ZNF432: variants seen among roughly 807,000 people sequenced by gnomAD.
ZNF432 encodes zinc finger protein 432.
In ZNF432, 10 loss-of-function variants were observed where a neutral mutation model predicts 13.9. The observed-to-expected ratio is 0.72, with a 90% CI of 0.44 to 1.22. ZNF432 has a LOEUF of 1.22. ZNF432 is among the 50% of genes most tolerant of loss of function. The pLI, the probability that ZNF432 is intolerant of heterozygous loss-of-function variation, is 0.00. For synonymous variants in ZNF432, 247 were observed against 256.2 expected (o/e 0.96, Z 0.34); for missense variants, 793 against 796.2 (o/e 1.00, Z 0.05).
rs1449927433 is a variant in ZNF432, at chr19:52,041,751, G to T, written c.16-145C>A. On this transcript the variant is annotated intron_variant, in intron 2 of 4. Coordinates refer to ENST00000221315, the MANE Select transcript of ZNF432 (RefSeq NM_014650.4). ...TATTGTATTTTTTAATATTGCCAGA[G>T]AATCTCCAAGTATTCTATAATTGCA... 2.7e-5 allele frequency: 26 copies of T among 978,166 alleles called. 1 individual carries two copies. The South Asian group carries it at 4.2e-4, about 16-fold the overall frequency. The allele number at this position is 978,166 out of a possible 1,614,324, so 60.6% of individuals were successfully genotyped here.
Position 52,032,864 on chromosome 19 carries a change from C to G in ZNF432, c.*856G>C, listed in dbSNP as rs73053909. On this transcript the variant is annotated 3_prime_UTR_variant, in exon 5 of 5. Coordinates refer to ENST00000221315, the MANE Select transcript of ZNF432 (RefSeq NM_014650.4). ...AGGCAGCATGTATCACTGAAATCCT[C>G]GTGTATTCACTGCCATCTGAAACTT... 6.6e-6 allele frequency: 1 copy of G among 151,986 alleles called. No individual in the cohort carries two copies. Among genetic ancestry groups the G allele is most frequent in the African/African-American group, 2.4e-5 (1 of 41,368 alleles). 9.4% of individuals were successfully genotyped at this position (151,986 alleles called of 1,614,324 possible).
intron 2 of ZNF432, 94 bp from the exon 3 acceptor site, chr19:52,041,700 A>G (rs2087138478): frequency 6.9e-7 from 1 of 1,442,916 alleles, no homozygotes; most frequent in East Asian, 2.3e-5. Flanking sequence ...CACATTAAAC[A>G]TATAGACTGC....
At chr19:52,046,531 AAAT>A (rs141544928) in intron 2 of ZNF432, among the ~76,000 whole-genome samples, 1 of 152,174 alleles carries the variant, frequency 6.6e-6, no homozygotes, top group Non-Finnish European at 1.5e-5. Context: ...AAGTGCCATG[AAAT>A]AATAATCTCC....
chr19:52,046,995 G>A lies in ZNF432; in HGVS notation c.-127C>T, dbSNP rs762480037. 74 of 926,190 alleles carry A rather than the reference G, an allele frequency of 8.0e-5. No individual in the cohort carries two copies. The highest frequency in any genetic ancestry group is 1.1e-4 in the Non-Finnish European group (69 of 617,130). The allele number at this position is 926,190 out of a possible 1,614,324, so 57.4% of individuals were successfully genotyped here. On this transcript the variant is annotated 5_prime_UTR_variant, in exon 2 of 5. Transcript: ENST00000221315. ...GGGTGTCCACAGAAATCATATCTAGGTCCTGGAATCTTCCTCTTTCTTCAT... is the reference window on the plus strand; with the variant it reads ...GGGTGTCCACAGAAATCATATCTAGATCCTGGAATCTTCCTCTTTCTTCAT...
rs1438216527 is a variant in ZNF432 at position 52,035,067 on chromosome 19, G to GT, written c.611dup (p.Asn204LysfsTer6). On this transcript the variant is annotated frameshift_variant, in exon 5 of 5. Coordinates refer to ENST00000221315, the MANE Select transcript of ZNF432 (RefSeq NM_014650.4). LOFTEE classifies it low-confidence loss of function (END_TRUNC). ...CTTTCCCACATTCACTGCATACGTG[G>GT]TTTTTTTCTATTTCATGAGTTCTCT... The GT allele has an allele frequency of 6.2e-7, 1 of 1,614,048 alleles. No homozygotes were observed. The highest frequency in any genetic ancestry group is 8.5e-7 in the Non-Finnish European group (1 of 1,179,998).
At position 52,032,422 on chromosome 19, in the gene ZNF432, G is replaced by A. The variant is rs1022568286; in HGVS notation, c.*1298C>T. 2.0e-5 allele frequency: 3 copies of A among 148,966 alleles called. No individual in the cohort carries two copies. In the Admixed American group the frequency reaches 2.0e-4, roughly 10 times the overall value. 9.2% of individuals were successfully genotyped at this position (148,966 alleles called of 1,614,324 possible). On this transcript the variant is annotated 3_prime_UTR_variant, in exon 5 of 5. Transcript: ENST00000221315. ...GTATCATGAGTTTAGATTTGTGACA[G>A]TCCTCAAATATGGTTTTTTTTTTTT...
intron 4 of ZNF432, 92 bp from the exon 5 acceptor site, chr19:52,035,532 T>TTTA: frequency 9.5e-7 from 1 of 1,051,294 alleles, no homozygotes; most frequent in Non-Finnish European, 1.3e-6. Flanking sequence ...TTTTATTTTG[T>TTTA]TTATTATTAT....
rs2087125516 is a variant in ZNF432 at position 52,040,583 on chromosome 19, C to T, written c.143G>A (p.Gly48Asp). The T allele has an allele frequency of 6.2e-7, 1 of 1,613,744 alleles. No individual in the cohort carries two copies. The change falls in exon 4 of 5, where the codon GGT becomes GAT. Residue 48 changes from glycine (G) to aspartate (D), a missense_variant and splice_region_variant. Gly to Asp is a moderately conservative substitution (Grantham distance 94). Coordinates refer to ENST00000221315, the MANE Select transcript of ZNF432 (RefSeq NM_014650.4). ...TGCATCTGGTTTGCTGACTTGATAA[C>T]CTGTTTACGGGAAATAATAGAAGAC... ...LEIYSNLLSM[G>D]YQVSKPDALS...
At chr19:52,041,309 C>A (rs2087134477) in intron 3 of ZNF432, among the ~76,000 whole-genome samples, 171 bp downstream of exon 3, 1 of 152,230 alleles carries the variant, frequency 6.6e-6, no homozygotes, top group South Asian at 2.1e-4. Flanking sequence ...GTTGTGAAAC[C>A]AATCCCTCTT....
At chr19:52,038,418 G>A (rs112520217) in intron 4 of ZNF432, among the ~76,000 whole-genome samples, 56 of 152,316 alleles carry the variant, frequency 3.7e-4, no homozygotes, top group African/African-American at 1.3e-3. Flanking sequence ...GCCTTCCTGA[G>A]TAGCTGGGAT....
chr19:52,043,125 G>C (rs2087150922), intron 2 of ZNF432, among the ~76,000 whole-genome samples: 1 of 152,154 alleles, frequency 6.6e-6, no homozygotes, highest in Non-Finnish European at 1.5e-5. Context: ...AGAGCTAGGT[G>C]CAAATTTGTG....
intron 1 of ZNF432, chr19:52,047,361 A>C (rs1381410029): frequency 1.3e-5 from 2 of 154,172 alleles, no homozygotes; most frequent in African/African-American, 4.8e-5. Flanking sequence ...ACCTCTTTAA[A>C]AGTCTTTATA....
intron 1 of ZNF432, among the ~76,000 whole-genome samples, chr19:52,048,178 C>CAA (rs1446041557): frequency 9.7e-5 from 14 of 144,036 alleles, no homozygotes; most frequent in African/African-American, 3.3e-4. Context: ...CACACACACA[C>CAA]ACACAAAACC....
intron 2 of ZNF432, 146 bp from the exon 3 acceptor site, chr19:52,041,752 A>C: frequency 1.0e-6 from 1 of 986,076 alleles, no homozygotes; most frequent in Non-Finnish European, 1.4e-6. Context: ...ATTGCCAGAG[A>C]ATCTCCAAGT....
rs2087125224 is a variant in ZNF432 at position 52,040,568 on chromosome 19, T to A, written c.158A>T (p.Lys53Ile). Residue 53 changes from lysine (K) to isoleucine (I), a missense_variant, in exon 4 of 5, where the codon AAA becomes ATA. Transcript: ENST00000221315. The stretch of plus-strand genomic sequence containing the variant: ...TTCCAACTTGGAGAGTGCATCTGGT[T>A]TGCTGACTTGATAACCTGTTTACGG... ...NLLSMGYQVS[K>I]PDALSKLERG... The A allele has an allele frequency of 6.2e-7, 1 of 1,614,012 alleles. No individual in the cohort carries two copies.
At chr19:52,038,264 T>C (rs2087103460) in intron 4 of ZNF432, among the ~76,000 whole-genome samples, 1 of 152,226 alleles carries the variant, frequency 6.6e-6, no homozygotes, top group Non-Finnish European at 1.5e-5. Flanking sequence ...GTCAGGCCCA[T>C]GGCCTTGCAC....
chr19:52,038,041 C>G (rs2087101207), intron 4 of ZNF432, among the ~76,000 whole-genome samples: 1 of 152,132 alleles, frequency 6.6e-6, no homozygotes, highest in Non-Finnish European at 1.5e-5. Context: ...AAGGTCAAGA[C>G]TAGCAACATA....
rs1368113646 is a variant in ZNF432 at position 52,033,231 on chromosome 19, TG to T, written c.*488del. The stretch of plus-strand genomic sequence containing the variant: ...CTCTGCATTCATTAAAATTCGCTCC[TG>T]GAAATTGCATTGTCTTCCAAGGGTG... On this transcript the variant is annotated 3_prime_UTR_variant, in exon 5 of 5. Coordinates refer to ENST00000221315, the MANE Select transcript of ZNF432 (RefSeq NM_014650.4). 10 of 154,134 alleles carry T rather than the reference TG, an allele frequency of 6.5e-5. No individual in the cohort carries two copies. Among genetic ancestry groups the T allele is most frequent in the Admixed American group, 5.8e-4 (9 of 15,630 alleles). 9.5% of individuals were successfully genotyped at this position (154,134 alleles called of 1,614,324 possible). A position where few individuals can be genotyped will look rare whatever the true frequency, so the allele number is the denominator to read the frequency against.
intron 2 of ZNF432, among the ~76,000 whole-genome samples, chr19:52,045,427 G>T (rs1249147675): frequency 1.4e-5 from 2 of 147,604 alleles, no homozygotes; most frequent in Non-Finnish European, 3.0e-5. Context: ...CATGATCTCG[G>T]CTCACCACAA....
Sources: allele counts gnomAD v4.1 joint callset (sites outside exome capture counted in the v4.1 genomes callset), GRCh38; gene constraint gnomAD v4.1.1; transcripts MANE v1.5; gene names NCBI Gene and HGNC (gene_info 2026-07-23, HGNC 2026-07-21).